Variants in RCN2 observed in about 807,000 individuals in gnomAD.
The protein encoded by RCN2 is reticulocalbin 2, also known as reticulocalbin-2.
RCN2 carries 23 observed loss-of-function variants against 37.5 expected under a neutral mutation model. The ratio of observed to expected loss-of-function variants is 0.61; its 90% confidence interval spans 0.44 to 0.87. The LOEUF (loss-of-function observed/expected upper bound fraction) is 0.87, where lower values mean the gene tolerates loss of function less well. Ranked by LOEUF, RCN2 falls within the 40% of genes least tolerant of loss-of-function variation. The pLI, the probability that RCN2 is intolerant of heterozygous loss-of-function variation, is 0.00. For synonymous variants in RCN2, 140 were observed against 144.6 expected, an observed-to-expected ratio of 0.97 and a Z score of 0.23; for missense variants, 381 against 390.4, an observed-to-expected ratio of 0.98 and a Z score of 0.20.
At chr15:76,932,584 A>T in intron 2 of RCN2, 118 bp downstream of exon 2, 1 of 706,076 alleles carries the variant, frequency 1.4e-6, no homozygotes, top group East Asian at 2.7e-5. Context: ...AGAAGGAGAA[A>T]AGGACATGGA....
Position 76,954,382 on chromosome 15 carries a change from T to C in RCN2, c.*5160T>C, listed in dbSNP as rs145077367. The C allele has an allele frequency of 4.9e-3, 746 of 151,950 alleles. 8 individuals carry two copies. The highest frequency in any genetic ancestry group is 0.017 in the African/African-American group (724 of 41,418). 9.4% of individuals were successfully genotyped at this position (151,950 alleles called of 1,614,324 possible). A position where few individuals can be genotyped will look rare whatever the true frequency, so the allele number is the denominator to read the frequency against. On this transcript the variant is annotated 3_prime_UTR_variant, in exon 7 of 7. Transcript: ENST00000394885. The stretch of plus-strand genomic sequence containing the variant: ...CAACATTTGAGTTCTGTCGAATAAA[T>C]ATTTGGCCAGATTTCCTGCCTGCTA...
intron 5 of RCN2, chr15:76,948,026 T>C (rs766585089): frequency 3.6e-5 from 6 of 164,392 alleles, no homozygotes; most frequent in Non-Finnish European, 7.8e-5. Flanking sequence ...GTTTTACTTA[T>C]TCTGATTGTC....
In RCN2 at chr15:76,931,964, C is replaced by G; in HGVS notation, c.123C>G (p.Arg41=). 1 of 1,272,900 alleles carries G rather than the reference C, an allele frequency of 7.9e-7. No individual in the cohort carries two copies. The highest frequency in any genetic ancestry group is 9.9e-7 in the Non-Finnish European group (1 of 1,014,572). 78.9% of individuals were successfully genotyped at this position (1,272,900 alleles called of 1,614,324 possible). ...GCGAGCGCCGCAGCGACTACGACCG[C>G]GAGGCGCTGCTGGGCGTCCAGGTGA... ...PLGERRSDYD[R]EALLGVQEDV... Residue 41 remains arginine (R), a synonymous_variant, in exon 1 of 7, where the codon CGC becomes CGG. Coordinates refer to ENST00000394885, the MANE Select transcript of RCN2 (RefSeq NM_002902.3).
At position 76,932,394 on chromosome 15, in the gene RCN2, G is replaced by C; in HGVS notation, c.178G>C (p.Glu60Gln). The change falls in exon 2 of 7, where the codon GAA (glutamate) becomes CAA (glutamine). Residue 60 changes from glutamate to glutamine, a missense_variant. By Grantham distance (29) the Glu-to-Gln change is conservative. Coordinates refer to ENST00000394885, the MANE Select transcript of RCN2 (RefSeq NM_002902.3). ...GGATGAATATGTTAAACTCGGCCAC[G>C]AAGAGCAGCAAAAAAGACTGCAGGC... ...DVDEYVKLGH[E>Q]EQQKRLQAII... 1 of 1,613,866 alleles carries C rather than the reference G, an allele frequency of 6.2e-7. No individual in the cohort carries two copies.
chr15:76,938,732 T>C (rs921770747), intron 3 of RCN2: 1 of 455,826 alleles, frequency 2.2e-6, no homozygotes, highest in Admixed American at 2.3e-5. Flanking sequence ...ACAGCATCAA[T>C]GTGGAGGTTT....
intron 2 of RCN2, among the ~76,000 whole-genome samples, chr15:76,935,107 G>C (rs543184426): frequency 1.3e-5 from 2 of 152,232 alleles, no homozygotes; most frequent in East Asian, 3.9e-4. Flanking sequence ...GGTGGATCAC[G>C]AGGTCAGGAG....
In RCN2 at chr15:76,953,430, C is replaced by T. The variant is rs1175733137; in HGVS notation, c.*4208C>T. On this transcript the variant is annotated 3_prime_UTR_variant, in exon 7 of 7. Coordinates refer to ENST00000394885, the MANE Select transcript of RCN2 (RefSeq NM_002902.3). ...CCCTTTGATGGACACAGGTTGCTTC[C>T]ACCTTTTATTGTGAATAATGCTGCC... The T allele has an allele frequency of 6.7e-6, 1 of 150,234 alleles. No individual in the cohort carries two copies. The highest frequency in any genetic ancestry group is 2.5e-5 in the African/African-American group (1 of 40,514). 9.3% of individuals were successfully genotyped at this position (150,234 alleles called of 1,614,324 possible). A position where few individuals can be genotyped will look rare whatever the true frequency, so the allele number is the denominator to read the frequency against.
chr15:76,937,276 G>A (rs1177604653), intron 3 of RCN2, among the ~76,000 whole-genome samples: 1 of 152,072 alleles, frequency 6.6e-6, no homozygotes, highest in African/African-American at 2.4e-5. Flanking sequence ...AAATCTCTGT[G>A]GGATCCTGCT....
intron 5 of RCN2, chr15:76,947,896 G>C (rs1487703218): frequency 5.7e-6 from 1 of 176,130 alleles, no homozygotes; most frequent in Non-Finnish European, 1.2e-5. Context: ...CACAGTATCA[G>C]AAGCTTAGTA....
At chr15:76,941,699 T>G in intron 3 of RCN2, 1 of 1,431,114 alleles carries the variant, frequency 7.0e-7, no homozygotes, top group Non-Finnish European at 9.4e-7. Flanking sequence ...ATGTGAGCTA[T>G]TCTTATTTTG....
intron 1 of RCN2, 127 bp from the exon 2 acceptor site, chr15:76,932,234 G>T: frequency 1.3e-6 from 1 of 781,920 alleles, no homozygotes; most frequent in Non-Finnish European, 2.1e-6. Flanking sequence ...TAGGGGCCTT[G>T]AAGTGCAGGT....
chr15:76,941,227 ATGT>A (rs2075275525), intron 3 of RCN2, among the ~76,000 whole-genome samples: 1 of 151,986 alleles, frequency 6.6e-6, no homozygotes, highest in African/African-American at 2.4e-5. Context: ...GGGTTTCACC[ATGT>A]TGGCCAGGCT....
intron 3 of RCN2, chr15:76,941,660 G>T: frequency 6.6e-7 from 1 of 1,505,908 alleles, no homozygotes; most frequent in Non-Finnish European, 8.9e-7. Flanking sequence ...GTAAAAAACA[G>T]TCTTTCTGTT....
intron 2 of RCN2, among the ~76,000 whole-genome samples, chr15:76,934,343 C>T (rs971199063): frequency 1.3e-5 from 2 of 152,064 alleles, no homozygotes; most frequent in Non-Finnish European, 1.5e-5. Context: ...GGGGTTTTAC[C>T]CGAGACCAGG....
rs1212518050 is a variant in RCN2 at position 76,953,594 on chromosome 15, T to TATATACATATA, written c.*4372_*4373insATATACATATA. The stretch of plus-strand genomic sequence containing the variant: ...ATATATATATATATATATATATATA[T>TATATACATATA]TTTTTTTTTTTTTTTTTTTTTTTTT... On this transcript the variant is annotated 3_prime_UTR_variant, in exon 7 of 7. Transcript: ENST00000394885. 1.2e-4 allele frequency: 1 copy of TATATACATATA among 8,494 alleles called. No individual in the cohort carries two copies. The highest frequency in any genetic ancestry group is 2.3e-4 in the Non-Finnish European group (1 of 4,392). The allele number at this position is 8,494 out of a possible 1,614,324, so 0.5% of individuals were successfully genotyped here. A position where few individuals can be genotyped will look rare whatever the true frequency, so the allele number is the denominator to read the frequency against.
At chr15:76,937,413 T>C (rs1036593956) in intron 3 of RCN2, among the ~76,000 whole-genome samples, 1 of 152,034 alleles carries the variant, frequency 6.6e-6, no homozygotes, top group South Asian at 2.1e-4. Context: ...TTACTCCTTT[T>C]TTTTTTTTAT....
intron 4 of RCN2, among the ~76,000 whole-genome samples, chr15:76,944,553 C>T (rs2075289622): frequency 6.6e-6 from 1 of 152,146 alleles, no homozygotes. Flanking sequence ...TAACCATCTT[C>T]TACCGTCTAT....
At chr15:76,941,138 A>G (rs1473538211) in intron 3 of RCN2, among the ~76,000 whole-genome samples, 9 of 152,072 alleles carry the variant, frequency 5.9e-5, no homozygotes, top group African/African-American at 9.7e-5. Context: ...GGTTCAAGCA[A>G]TCGTCCTGCC....
Position 76,953,593 on chromosome 15 carries a change from A to ATTTTTTT in RCN2, c.*4397_*4403dup, listed in dbSNP as rs71143379. On this transcript the variant is annotated 3_prime_UTR_variant, in exon 7 of 7. Transcript: ENST00000394885. ...TATATATATATATATATATATATAT[A>ATTTTTTT]TTTTTTTTTTTTTTTTTTTTTTTTT... 1.0e-4 allele frequency: 1 copy of ATTTTTTT among 9,840 alleles called. No homozygotes were observed. Among genetic ancestry groups the ATTTTTTT allele is most frequent in the Non-Finnish European group, 1.9e-4 (1 of 5,278 alleles). 0.6% of individuals were successfully genotyped at this position (9,840 alleles called of 1,614,324 possible).
Sources: gnomAD v4.1 joint callset for allele counts (sites outside exome capture counted in the v4.1 genomes callset) on GRCh38, gnomAD v4.1.1 for gene constraint, MANE v1.5 for transcripts, NCBI Gene and HGNC (gene_info 2026-07-23, HGNC 2026-07-21) for gene names.